Variants in UQCRH observed in about 807,000 individuals in gnomAD.
UQCRH encodes the protein ubiquinol-cytochrome c reductase hinge protein, also known as cytochrome b-c1 complex subunit 6, mitochondrial.
A neutral mutation model predicts 16.3 loss-of-function variants in UQCRH; 14 were observed. The ratio of observed to expected loss-of-function variants is 0.86; its 90% CI spans 0.57 to 1.34. UQCRH has a LOEUF of 1.34. Ranked by LOEUF, UQCRH falls within the 40% of genes most tolerant of loss-of-function variation. The pLI, the probability that UQCRH is intolerant of heterozygous loss-of-function variation, is 0.00. For synonymous variants in UQCRH, 41 were observed against 41.9 expected, an observed-to-expected ratio of 0.98 and a Z score of 0.08; for missense variants, 89 against 111.9, an observed-to-expected ratio of 0.80 and a Z score of 0.92.
chr1:46,312,434 A>G (rs1661499403), intron 3 of UQCRH, among the ~76,000 whole-genome samples: 1 of 151,866 alleles, frequency 6.6e-6, no homozygotes, highest in Non-Finnish European at 1.5e-5. Context: ...TATTTTTTGT[A>G]GAGATGGGAT....
intron 1 of UQCRH, 102 bp downstream of exon 1, chr1:46,303,922 T>C: frequency 6.7e-7 from 1 of 1,503,482 alleles, no homozygotes; most frequent in Non-Finnish European, 9.2e-7. Context: ...GTTTACCCTC[T>C]AGGGTTTGCA....
rs1322033356 is a variant in UQCRH at position 46,305,811 on chromosome 1, AT to A, written c.54+2003del. On this transcript the variant is annotated intron_variant, in intron 1 of 3. Coordinates refer to ENST00000311672, the MANE Select transcript of UQCRH (RefSeq NM_006004.4). ...TATGGTATTCTATGAGGAACCCATA[AT>A]TTTTTTTTTTTGAGACGGAATCTTG... Among the ~76,000 whole-genome samples the A allele has an allele frequency of 7.9e-3, 1,102 of 140,080 alleles. 17 individuals are homozygous for A. Among genetic ancestry groups the A allele is most frequent in the Middle Eastern group, 0.036 (10 of 274 alleles). The allele number at this position is 140,080 out of a possible 152,430, so 91.9% of individuals were successfully genotyped here.
intron 1 of UQCRH, among the ~76,000 whole-genome samples, chr1:46,306,087 C>T (rs1019498241): frequency 1.3e-5 from 2 of 152,106 alleles, no homozygotes; most frequent in African/African-American, 4.8e-5. Flanking sequence ...CCACCGCGCC[C>T]GGCTGAGGAA....
chr1:46,312,192 T>G (rs1197265389), intron 3 of UQCRH, among the ~76,000 whole-genome samples: 1 of 151,720 alleles, frequency 6.6e-6, no homozygotes, highest in Non-Finnish European at 1.5e-5. Flanking sequence ...ACCTCCTGGG[T>G]TCAAGCGATT....
chr1:46,311,717 C>T (rs1217686215), intron 3 of UQCRH, among the ~76,000 whole-genome samples: 1 of 147,584 alleles, frequency 6.8e-6, no homozygotes, highest in Non-Finnish European at 1.5e-5. Flanking sequence ...CTCTGCCTCC[C>T]GAGTAGCTGG....
Position 46,309,093 on chromosome 1 carries a change from T to C in UQCRH, c.55-8T>C, listed in dbSNP as rs542188775. 3.8e-5 allele frequency: 61 copies of C among 1,613,570 alleles called. No homozygotes were observed. Among genetic ancestry groups the C allele is most frequent in the African/African-American group, 3.7e-4 (28 of 75,004 alleles). On this transcript the variant is annotated splice_region_variant and splice_polypyrimidine_tract_variant and intron_variant, in intron 1 of 3. Coordinates refer to ENST00000311672, the MANE Select transcript of UQCRH (RefSeq NM_006004.4). Reference sequence around the variant, plus strand: ...GCTGCTGACATTAATTTTGTTTTCCTTTTGTAGGAGGAAGAGGAAGAGGAG... The same window carrying C: ...GCTGCTGACATTAATTTTGTTTTCCCTTTGTAGGAGGAAGAGGAAGAGGAG...
intron 1 of UQCRH, 32 bp from the exon 2 acceptor site, chr1:46,309,069 C>T (rs892728767): frequency 6.2e-7 from 1 of 1,610,794 alleles, no homozygotes; most frequent in Non-Finnish European, 8.5e-7. Context: ...CATAAAATTG[C>T]TGCTGACATT....
intron 3 of UQCRH, 138 bp downstream of exon 3, chr1:46,310,454 T>G (rs1212546182): frequency 5.5e-6 from 7 of 1,263,514 alleles, no homozygotes; most frequent in Non-Finnish European, 6.6e-6. Context: ...CGCTGAGCAT[T>G]TTATGTAAAT....
intron 3 of UQCRH, among the ~76,000 whole-genome samples, chr1:46,314,746 A>G (rs1661548876): frequency 6.6e-6 from 1 of 152,136 alleles, no homozygotes; most frequent in Non-Finnish European, 1.5e-5. Context: ...ACATTAAACT[A>G]AGTGTCAAGG....
At chr1:46,309,860 A>G (rs906951485) in intron 2 of UQCRH, 107 of 1,338,938 alleles carry the variant, frequency 8.0e-5, no homozygotes, top group Non-Finnish European at 9.5e-5. Context: ...ATCTACTTCA[A>G]GTTTGGCCAG....
chr1:46,308,736 AAGGCTGAGGC>A (rs1472959555), intron 1 of UQCRH, among the ~76,000 whole-genome samples: 1 of 152,082 alleles, frequency 6.6e-6, no homozygotes, highest in Non-Finnish European at 1.5e-5. Flanking sequence ...AGCTACTCAG[AAGGCTGAGGC>A]AGGAGGATCA....
At chr1:46,304,185 G>A (rs1042640069) in intron 1 of UQCRH, among the ~76,000 whole-genome samples, 12 of 152,136 alleles carry the variant, frequency 7.9e-5, no homozygotes, top group Non-Finnish European at 1.8e-4. Context: ...GCTCAGGTTA[G>A]GAATCCCTAC....
intron 3 of UQCRH, 89 bp from the exon 4 acceptor site, chr1:46,316,463 G>GT: frequency 1.3e-6 from 2 of 1,564,010 alleles, no homozygotes; most frequent in Admixed American, 1.7e-5. Flanking sequence ...GTGAGAAGAG[G>GT]GGCAGTACTG....
intron 2 of UQCRH, 79 bp from the exon 3 acceptor site, chr1:46,310,076 T>C: frequency 6.3e-7 from 1 of 1,593,464 alleles, no homozygotes. Flanking sequence ...GGTTTGGTGG[T>C]TGTGTTAATC....
intron 1 of UQCRH, among the ~76,000 whole-genome samples, chr1:46,304,026 C>T (rs1284950328): frequency 6.6e-6 from 1 of 152,204 alleles, no homozygotes; most frequent in Non-Finnish European, 1.5e-5. Flanking sequence ...GCCTCGGCTT[C>T]TGCATTCTGT....
chr1:46,303,897 C>T (rs1427883480), intron 1 of UQCRH, 77 bp downstream of exon 1: 26 of 1,587,998 alleles, frequency 1.6e-5, no homozygotes, highest in Non-Finnish European at 2.2e-5. Context: ...ACGCACGGGG[C>T]CCTCTTAGCC....
At chr1:46,316,514 C>T (rs776284731) in intron 3 of UQCRH, 38 bp from the exon 4 acceptor site, 2 of 1,613,504 alleles carry the variant, frequency 1.2e-6, no homozygotes, top group African/African-American at 1.3e-5. Context: ...GACATTAAAG[C>T]TGCCAATTGA....
At position 46,313,049 on chromosome 1, in the gene UQCRH, G is replaced by C. The variant is rs141155761; in HGVS notation, c.243+2733G>C. On this transcript the variant is annotated intron_variant, in intron 3 of 3. Coordinates refer to ENST00000311672, the MANE Select transcript of UQCRH (RefSeq NM_006004.4). ...AAAACATCTGGCAGTTCCTCAAAAG[G>C]CTAAATATACAGTTAATATATGACA... is the stretch of plus-strand genomic sequence containing the variant. 5.2e-3 allele frequency among the ~76,000 whole-genome samples: 787 copies of C among 152,128 alleles called. 17 individuals carry two copies. The highest frequency in any genetic ancestry group is 0.018 in the African/African-American group (763 of 41,478).
intron 2 of UQCRH, chr1:46,309,775 C>T: frequency 1.0e-6 from 1 of 984,378 alleles, no homozygotes; most frequent in Non-Finnish European, 1.3e-6. Context: ...AGGCCTGGTT[C>T]TCAGACAAGG....
Sources: allele counts gnomAD v4.1 joint callset (sites outside exome capture counted in the v4.1 genomes callset), GRCh38; gene constraint gnomAD v4.1.1; transcripts MANE v1.5; gene names NCBI Gene and HGNC (gene_info 2026-07-23, HGNC 2026-07-21).